The following UNC13C variants were observed in gnomAD, a reference collection of about 807,000 sequenced individuals.
UNC13C encodes unc-13 homolog C, also known as protein unc-13 homolog C.
In UNC13C, 174 loss-of-function variants were observed where a neutral mutation model predicts 245.4. That is an observed-to-expected ratio of 0.71 (90% confidence interval 0.63 to 0.80). The LOEUF (loss-of-function observed/expected upper bound fraction) is 0.80. UNC13C is among the 30% of genes least tolerant of loss of function. The pLI is 0.00. For missense variants in UNC13C, 2,829 were observed against 2,602.9 expected (o/e 1.09, Z -1.89); for synonymous variants, 992 against 895.1 (o/e 1.11, Z -1.93).
chr15:54,417,049 C>T (rs200867748), intron 19 of UNC13C: 15,598 of 442,732 alleles, frequency 0.035, 680 homozygotes, highest in Admixed American at 0.14. Flanking sequence ...CAGGAATAAA[C>T]TTATTTTAAT....
At chr15:54,201,274 A>G (rs1245422921) in intron 4 of UNC13C, among the ~76,000 whole-genome samples, 1 of 152,102 alleles carries the variant, frequency 6.6e-6, no homozygotes, top group African/African-American at 2.4e-5. Flanking sequence ...ACACTATTCC[A>G]AAAGATGGAG....
rs1451937959 is a variant in UNC13C, at chr15:54,627,980, AT to A, written c.*868del. 2 of 152,456 alleles carry A rather than the reference AT, an allele frequency of 1.3e-5. No homozygotes were observed. Among genetic ancestry groups the A allele is most frequent in the African/African-American group, 4.8e-5 (2 of 41,446 alleles). The allele number at this position is 152,456 out of a possible 1,614,324, so 9.4% of individuals were successfully genotyped here. ...CAGTTATGACTCTATAATCAGTTCA[AT>A]GCTTTATTTTTAAAAATATTCAATG... On this transcript the variant is annotated 3_prime_UTR_variant, in exon 33 of 33. Transcript: ENST00000260323.
the UNC13C span, among the ~76,000 whole-genome samples, chr15:53,900,878 T>G: frequency 6.6e-6 from 1 of 152,280 alleles, no homozygotes; most frequent in African/African-American, 2.4e-5. Flanking sequence ...TGCTCCCTGT[T>G]TTATCTTCTT....
At chr15:53,906,957 G>A in the UNC13C span, among the ~76,000 whole-genome samples, 2 of 150,658 alleles carry the variant, frequency 1.3e-5, no homozygotes, top group Non-Finnish European at 3.0e-5. Context: ...ATAACAGCAT[G>A]GGGGAACCAC....
intron 24 of UNC13C, among the ~76,000 whole-genome samples, chr15:54,516,935 A>T (rs1223622841): frequency 6.6e-6 from 1 of 152,124 alleles, no homozygotes; most frequent in Non-Finnish European, 1.5e-5. Context: ...GTTTGTATGG[A>T]AATTGGAACA....
At chr15:54,414,467 G>A (rs956597580) in intron 18 of UNC13C, among the ~76,000 whole-genome samples, 1 of 152,086 alleles carries the variant, frequency 6.6e-6, no homozygotes, top group African/African-American at 2.4e-5. Context: ...AACCAACATA[G>A]TGAAACCCTG....
the UNC13C span, among the ~76,000 whole-genome samples, chr15:53,856,001 T>G: frequency 6.6e-6 from 1 of 152,194 alleles, no homozygotes; most frequent in Non-Finnish European, 1.5e-5. Flanking sequence ...ATGCAATTTC[T>G]TCTTGGTTCA....
At chr15:54,112,196 T>C (rs1387185800) in intron 2 of UNC13C, among the ~76,000 whole-genome samples, 2 of 152,184 alleles carry the variant, frequency 1.3e-5, no homozygotes, top group African/African-American at 4.8e-5. Context: ...TACCTGAGGT[T>C]CGTTGCCTCA....
At chr15:54,071,729 A>T (rs1898338011) in intron 2 of UNC13C, among the ~76,000 whole-genome samples, 1 of 152,240 alleles carries the variant, frequency 6.6e-6, no homozygotes, top group South Asian at 2.1e-4. Context: ...CAGTGTTCAT[A>T]CATAAAGCTT....
chr15:54,445,196 T>C (rs908497807), intron 19 of UNC13C, among the ~76,000 whole-genome samples: 1 of 152,182 alleles, frequency 6.6e-6, no homozygotes, highest in Non-Finnish European at 1.5e-5. Context: ...GTGCCACATT[T>C]TCTTAATCCA....
chr15:54,354,346 T>C (rs548803052), intron 17 of UNC13C, among the ~76,000 whole-genome samples: 2 of 152,326 alleles, frequency 1.3e-5, no homozygotes, highest in South Asian at 4.1e-4. Context: ...CAGGAGTTTG[T>C]GCTATAACAC....
At chr15:54,077,376 C>CTTTTCTTT (rs1898688018) in intron 2 of UNC13C, among the ~76,000 whole-genome samples, 5 of 62,718 alleles carry the variant, frequency 8.0e-5, no homozygotes, top group Admixed American at 2.6e-4. Flanking sequence ...CTTTTCTTTT[C>CTTTTCTTT]TTTTTTTTTT....
the UNC13C span, among the ~76,000 whole-genome samples, chr15:53,972,944 G>A: frequency 6.6e-6 from 1 of 152,140 alleles, no homozygotes; most frequent in South Asian, 2.1e-4. Context: ...ATGGAAAAAT[G>A]TCTAATGTAC....
intron 2 of UNC13C, among the ~76,000 whole-genome samples, chr15:54,134,518 T>G (rs1181874009): frequency 1.3e-5 from 2 of 151,794 alleles, no homozygotes; most frequent in Non-Finnish European, 2.9e-5. Flanking sequence ...TTTTGTTTTT[T>G]GTTTTGAGAC....
At chr15:54,265,938 G>T (rs2036539835) in intron 10 of UNC13C, among the ~76,000 whole-genome samples, 1 of 151,940 alleles carries the variant, frequency 6.6e-6, no homozygotes, top group African/African-American at 2.4e-5. Context: ...CTATTGAGAT[G>T]GTTGATGATA....
At chr15:53,917,310 C>A in the UNC13C span, among the ~76,000 whole-genome samples, 16 of 152,156 alleles carry the variant, frequency 1.1e-4, no homozygotes, top group Non-Finnish European at 2.2e-4. Flanking sequence ...TAGCTAGTCT[C>A]ATAGTATCAA....
chr15:54,147,402 G>T (rs2032311036), intron 4 of UNC13C, among the ~76,000 whole-genome samples: 1 of 151,886 alleles, frequency 6.6e-6, no homozygotes, highest in Admixed American at 6.6e-5. Context: ...TGTATTTTTA[G>T]TAGAGACGGG....
At chr15:54,546,681 T>A in intron 26 of UNC13C, 41 bp from the exon 27 acceptor site, 1 of 1,284,066 alleles carries the variant, frequency 7.8e-7, no homozygotes, top group Non-Finnish European at 1.0e-6. Flanking sequence ...TACCTTGATC[T>A]GAAATTTAAA....
intron 8 of UNC13C, among the ~76,000 whole-genome samples, chr15:54,256,971 T>C (rs549602003): frequency 6.6e-6 from 1 of 152,320 alleles, no homozygotes; most frequent in African/African-American, 2.4e-5. Context: ...TGAAATTGTT[T>C]ACGTCCAAGG....
Sources: gnomAD v4.1 joint callset for allele counts (sites outside exome capture counted in the v4.1 genomes callset) on GRCh38, gnomAD v4.1.1 for gene constraint, MANE v1.5 for transcripts, NCBI Gene and HGNC (gene_info 2026-07-23, HGNC 2026-07-21) for gene names.